OGN: variants seen among roughly 807,000 people sequenced by gnomAD.
OGN encodes the protein mimecan.
Under a neutral mutation model 30.8 loss-of-function variants are expected in OGN, and 19 were observed. The observed-to-expected ratio is 0.62, with a 90% confidence interval of 0.43 to 0.90. The LOEUF is 0.90. OGN is among the 40% of genes least tolerant of loss of function. The pLI is 0.00. For missense variants in OGN, 283 were observed against 349.7 expected (o/e 0.81, Z 1.52); for synonymous variants, 126 against 128.3 (o/e 0.98, Z 0.12).
chr9:92,398,383 C>T (rs922537191), intron 3 of OGN, among the ~76,000 whole-genome samples: 1 of 152,154 alleles, frequency 6.6e-6, no homozygotes, highest in African/African-American at 2.4e-5. Flanking sequence ...ATTAAATCTA[C>T]ATTAAAAAGT....
chr9:92,403,470 A>C lies in OGN; in HGVS notation c.-63T>G. 6.6e-7 allele frequency: 1 copy of C among 1,518,822 alleles called. No homozygotes were observed. Among genetic ancestry groups the C allele is most frequent in the South Asian group, 1.3e-5 (1 of 74,230 alleles). The allele number at this position is 1,518,822 out of a possible 1,614,324, so 94.1% of individuals were successfully genotyped here. On this transcript the variant is annotated 5_prime_UTR_variant, in exon 2 of 7. Transcript: ENST00000375561. The stretch of plus-strand genomic sequence containing the variant: ...AGTGGCCTGCTGACTGTGGGACAAA[A>C]CTCTCTTTTTCCCTGGAAATAAAAA...
intron 3 of OGN, among the ~76,000 whole-genome samples, chr9:92,394,073 A>G (rs1023590799): frequency 6.6e-6 from 1 of 152,136 alleles, no homozygotes; most frequent in African/African-American, 2.4e-5. Flanking sequence ...TTGTACTTTC[A>G]TATACTAGTT....
chr9:92,396,941 T>C (rs1426640425), intron 3 of OGN, among the ~76,000 whole-genome samples: 1 of 152,058 alleles, frequency 6.6e-6, no homozygotes, highest in Non-Finnish European at 1.5e-5. Flanking sequence ...TTTTAGAGGC[T>C]GAGGCAGGTG....
At chr9:92,394,827 G>A (rs1588092404) in intron 3 of OGN, among the ~76,000 whole-genome samples, 1 of 151,288 alleles carries the variant, frequency 6.6e-6, no homozygotes, top group Admixed American at 6.6e-5. Context: ...GGCTGCTTTC[G>A]AACTCCTGAC....
chr9:92,401,619 A>C (rs908386210), intron 2 of OGN, among the ~76,000 whole-genome samples: 3 of 152,172 alleles, frequency 2.0e-5, no homozygotes, highest in Non-Finnish European at 4.4e-5. Context: ...GCCATGTCAC[A>C]AGTATAAACT....
intron 5 of OGN, among the ~76,000 whole-genome samples, chr9:92,388,879 G>A (rs1427256964): frequency 6.7e-6 from 1 of 148,740 alleles, no homozygotes; most frequent in Non-Finnish European, 1.5e-5. Flanking sequence ...AGTCCTCTAA[G>A]AGTCCCTTAA....
chr9:92,389,786 C>G, intron 5 of OGN, 68 bp downstream of exon 5: 3 of 1,044,626 alleles, frequency 2.9e-6, no homozygotes, highest in Non-Finnish European at 4.2e-6. Context: ...CAATTCTAGA[C>G]CAAAGTTTCT....
chr9:92,388,568 C>T (rs1454577862), intron 5 of OGN, among the ~76,000 whole-genome samples: 1 of 151,224 alleles, frequency 6.6e-6, no homozygotes, highest in Non-Finnish European at 1.5e-5. Flanking sequence ...AGGCCAGGCA[C>T]GGTGGCTTAC....
At chr9:92,393,807 C>G (rs550098099) in intron 3 of OGN, among the ~76,000 whole-genome samples, 1 of 147,904 alleles carries the variant, frequency 6.8e-6, no homozygotes, top group African/African-American at 2.5e-5. Context: ...GTTTAGTTTT[C>G]TTTTTCAGGG....
chr9:92,394,725 C>T (rs1197594856), intron 3 of OGN, among the ~76,000 whole-genome samples: 1 of 151,792 alleles, frequency 6.6e-6, no homozygotes, highest in African/African-American at 2.4e-5. Context: ...CTGCCTCAGC[C>T]TCCCAAGTAT....
chr9:92,402,910 A>G (rs967900448), intron 2 of OGN, among the ~76,000 whole-genome samples: 3 of 152,204 alleles, frequency 2.0e-5, no homozygotes, highest in African/African-American at 7.2e-5. Flanking sequence ...AGGCAACACA[A>G]CATTGCAAGT....
At position 92,393,701 on chromosome 9, in the gene OGN, T is replaced by C. The variant is rs567950526; in HGVS notation, c.269-457A>G. On this transcript the variant is annotated intron_variant, in intron 3 of 6. Coordinates refer to ENST00000375561, the MANE Select transcript of OGN (RefSeq NM_014057.5). The stretch of plus-strand genomic sequence containing the variant: ...TTGGATCCTTTAGCACCCCAAGTCA[T>C]TTATTACATTTACTTGTCATACCTC... Among the ~76,000 whole-genome samples the C allele has an allele frequency of 1.4e-4, 21 of 152,346 alleles. 1 individual carries two copies. The South Asian group carries it at 4.3e-3, about 32-fold the overall frequency.
At chr9:92,395,446 T>C (rs904376144) in intron 3 of OGN, among the ~76,000 whole-genome samples, 2 of 152,228 alleles carry the variant, frequency 1.3e-5, no homozygotes, top group African/African-American at 2.4e-5. Flanking sequence ...TTGGGTTGTT[T>C]CCAGGTTTTC....
At chr9:92,394,244 TTTAC>T (rs1466241180) in intron 3 of OGN, among the ~76,000 whole-genome samples, 1 of 152,058 alleles carries the variant, frequency 6.6e-6, no homozygotes, top group Non-Finnish European at 1.5e-5. Flanking sequence ...TATTATTTTA[TTTAC>T]TTACTTATTT....
In OGN at chr9:92,393,213, TAAAC is replaced by T. The variant is rs760127129; in HGVS notation, c.296_299del (p.Cys99Ter). On this transcript the variant is annotated frameshift_variant, in exon 4 of 7. Coordinates refer to ENST00000375561, the MANE Select transcript of OGN (RefSeq NM_014057.5). LOFTEE classifies it high-confidence loss of function. Reference sequence around the variant, plus strand: ...CTTCTTCACAGTATACAGAGCCACTTAAACAAACACACAGCAGACACGTGGGCAT... The same window carrying T: ...CTTCTTCACAGTATACAGAGCCACTTAAACACACAGCAGACACGTGGGCAT... 75 of 1,607,108 alleles carry T rather than the reference TAAAC, an allele frequency of 4.7e-5. No homozygotes were observed. The highest frequency in any genetic ancestry group is 9.0e-5 in the South Asian group (8 of 89,332).
chr9:92,385,603 T>C lies in OGN; in HGVS notation c.*17A>G. 2.5e-6 allele frequency: 4 copies of C among 1,607,464 alleles called. No individual in the cohort carries two copies. Among genetic ancestry groups the C allele is most frequent in the South Asian group, 2.2e-5 (2 of 90,784 alleles). ...TAGTGTAGGTGTACTTTCATTTATA[T>C]GTTGTACCAATAGAGGTTAAAAGTA... On this transcript the variant is annotated 3_prime_UTR_variant, in exon 7 of 7. Coordinates refer to ENST00000375561, the MANE Select transcript of OGN (RefSeq NM_014057.5).
intron 4 of OGN, among the ~76,000 whole-genome samples, chr9:92,390,587 T>TGC (rs1554756507): frequency 1.2e-3 from 172 of 141,910 alleles, no homozygotes; most frequent in African/African-American, 2.7e-3. Flanking sequence ...TGTGTGTGTG[T>TGC]GCGCGCGCGC....
chr9:92,386,226 T>C lies in OGN; in HGVS notation c.701A>G (p.Glu234Gly), dbSNP rs1485907848. The C allele has an allele frequency of 1.9e-6, 3 of 1,612,258 alleles. No individual in the cohort carries two copies. Among genetic ancestry groups the C allele is most frequent in the East Asian group, 4.5e-5 (2 of 44,822 alleles). Reference sequence around the variant, plus strand: ...CTGAAGATGAATTACACGTAGACTTTCTGGTAAATTAAGAGGCACGGATTC... The same window carrying C: ...CTGAAGATGAATTACACGTAGACTTCCTGGTAAATTAAGAGGCACGGATTC... ...ALESVPLNLP[E>G]SLRVIHLQFN... Residue 234 changes from glutamate to glycine, a missense_variant, in exon 6 of 7, where the codon GAA (glutamate) becomes GGA (glycine). Transcript: ENST00000375561.
intron 6 of OGN, among the ~76,000 whole-genome samples, chr9:92,386,000 A>C (rs1465497203): frequency 6.6e-6 from 1 of 152,210 alleles, no homozygotes; most frequent in African/African-American, 2.4e-5. Context: ...TCTACTTGTT[A>C]TGCTCTGGAT....
Sources: gnomAD v4.1 joint callset for allele counts (sites outside exome capture counted in the v4.1 genomes callset) on GRCh38, gnomAD v4.1.1 for gene constraint, MANE v1.5 for transcripts, NCBI Gene and HGNC (gene_info 2026-07-23, HGNC 2026-07-21) for gene names.